Variants in DMD observed in about 807,000 individuals in gnomAD.
The protein encoded by DMD is mutant dystrophin.
A neutral mutation model predicts 330.1 loss-of-function variants in DMD; 63 were observed. That is an observed-to-expected ratio of 0.19 (90% confidence interval 0.16 to 0.24). The LOEUF is 0.24. Ranked by LOEUF, DMD falls within the 10% of genes least tolerant of loss-of-function variation. The pLI, the probability that DMD is intolerant of heterozygous loss-of-function variation, is 1.00. For synonymous variants in DMD, 1,223 were observed against 959.8 expected, an observed-to-expected ratio of 1.27 and a Z score of -5.07; for missense variants, 3,344 against 2,684.1, an observed-to-expected ratio of 1.25 and a Z score of -5.43.
intron 52 of DMD, among the ~76,000 whole-genome samples, chrX:31,721,716 C>CTATATATATATA (rs1411207828): frequency 1.9e-5 from 1 of 53,428 alleles, no homozygotes; most frequent in Non-Finnish European, 3.8e-5. Context: ...CTCTCTCTCT[C>CTATATATATATA]TCTATATATA....
intron 1 of DMD, among the ~76,000 whole-genome samples, chrX:33,210,415 G>A (rs746323979): frequency 9.0e-6 from 1 of 110,905 alleles, no homozygotes; most frequent in East Asian, 2.8e-4. Context: ...TATTTTTACT[G>A]TTGTGCCACA....
At position 32,832,591 on chromosome X, in the gene DMD, A is replaced by T. The variant is rs1603443567; in HGVS notation, c.265-9204T>A. Among the ~76,000 whole-genome samples the T allele has an allele frequency of 4.5e-5, 5 of 111,741 alleles. No individual in the cohort carries two copies. In the East Asian group the frequency reaches 1.4e-3, roughly 31 times the overall value. On this transcript the variant is annotated intron_variant, in intron 4 of 78. Coordinates refer to ENST00000357033, the MANE Select transcript of DMD (RefSeq NM_004006.3). Reference sequence around the variant, plus strand: ...AAAGACTTCTCCATATTCAAGAGAAACTTCTCAAGTATTCATACAATCCTT... The same window carrying T: ...AAAGACTTCTCCATATTCAAGAGAATCTTCTCAAGTATTCATACAATCCTT...
At chrX:31,492,371 T>C (rs1305915765) in intron 57 of DMD, among the ~76,000 whole-genome samples, 1 of 111,974 alleles carries the variant, frequency 8.9e-6, no homozygotes, top group African/African-American at 3.2e-5. Flanking sequence ...CATCACTAAC[T>C]AGACAGTCCA....
chrX:32,765,570 A>T (rs1003419320), intron 7 of DMD, among the ~76,000 whole-genome samples: 4 of 111,791 alleles, frequency 3.6e-5, no homozygotes, highest in Non-Finnish European at 7.5e-5. Flanking sequence ...GCAAGAATGG[A>T]CTAACATATA....
intron 16 of DMD, among the ~76,000 whole-genome samples, chrX:32,561,176 T>C (rs1046879904): frequency 9.0e-6 from 1 of 111,437 alleles, no homozygotes; most frequent in Non-Finnish European, 1.9e-5. Flanking sequence ...TTGAGAGAAG[T>C]AGGCTTCAAA....
chrX:31,804,838 C>CTT (rs368248678), intron 50 of DMD, among the ~76,000 whole-genome samples: 1 of 97,262 alleles, frequency 1.0e-5, no homozygotes, highest in African/African-American at 3.7e-5. Context: ...TTCAAATTTC[C>CTT]TTTTTTTTTT....
chrX:31,536,202 T>C (rs2073393298), intron 55 of DMD, among the ~76,000 whole-genome samples: 1 of 111,445 alleles, frequency 9.0e-6, no homozygotes, highest in Non-Finnish European at 1.9e-5. Context: ...CACTAGAATC[T>C]CCTCATTTTA....
intron 44 of DMD, among the ~76,000 whole-genome samples, chrX:32,024,900 T>G (rs892169962): frequency 1.3e-4 from 15 of 112,035 alleles, no homozygotes; most frequent in African/African-American, 4.9e-4. Flanking sequence ...TGAGGGATCA[T>G]GTGTCCAAGA....
chrX:31,842,421 G>C (rs1484525031), intron 48 of DMD, among the ~76,000 whole-genome samples: 1 of 112,328 alleles, frequency 8.9e-6, no homozygotes, highest in Non-Finnish European at 1.9e-5. Flanking sequence ...AGCAGCAGCA[G>C]GGTATGAGAG....
intron 4 of DMD, among the ~76,000 whole-genome samples, chrX:32,832,030 C>T (rs1037024528): frequency 2.7e-5 from 3 of 110,798 alleles, no homozygotes; most frequent in Non-Finnish European, 3.8e-5. Flanking sequence ...TAAAGCAGGT[C>T]GTTTCTCACA....
intron 42 of DMD, among the ~76,000 whole-genome samples, chrX:32,292,299 A>ATTTTTTTTTTTTTTTTT (rs1355530949): frequency 2.1e-3 from 64 of 30,771 alleles, no homozygotes; most frequent in African/African-American, 6.4e-3. Context: ...CAAAGGGAAT[A>ATTTTTTTTTTTTTTTTT]TTCTTTTTTT....
At position 32,617,675 on chromosome X, in the gene DMD, G is replaced by A. The variant is rs113784079; in HGVS notation, c.1332-3222C>T. ...TGGGCAATAACTTTTGAATATGACT[G>A]TAAAAGCACAAGCAACAAAAGCAAA... On this transcript the variant is annotated intron_variant, in intron 11 of 78. Transcript: ENST00000357033. Among the ~76,000 whole-genome samples, 770 of 111,299 alleles carry A rather than the reference G, an allele frequency of 6.9e-3. 8 individuals carry two copies. The highest frequency in any genetic ancestry group is 0.021 in the African/African-American group (654 of 30,661).
rs749878227 is a variant in DMD, at chrX:33,325,676, G to GA, written c.7+13582dup. Among the ~76,000 whole-genome samples the GA allele has an allele frequency of 2.7e-5, 3 of 111,969 alleles. No individual in the cohort carries two copies. The South Asian group carries it at 1.1e-3, about 41-fold the overall frequency. On this transcript the variant is annotated intron_variant, in intron 1 of 17. Transcript: ENST00000288447. ...CTCATTTTCTGATGAAAATTCAGTG[G>GA]AAAAAATGGAAGTAGATATTTGCTT... is the stretch of plus-strand genomic sequence containing the variant.
chrX:31,333,993 C>T (rs2057288419), intron 61 of DMD, among the ~76,000 whole-genome samples: 1 of 109,904 alleles, frequency 9.1e-6, no homozygotes, highest in Non-Finnish European at 1.9e-5. Flanking sequence ...AGCGCAATGG[C>T]GCGATCTCGG....
intron 63 of DMD, among the ~76,000 whole-genome samples, chrX:31,244,245 C>T (rs1015972099): frequency 7.1e-5 from 8 of 112,053 alleles, no homozygotes; most frequent in South Asian, 3.7e-4. Flanking sequence ...GTCACCTTGA[C>T]ACCATACATA....
chrX:32,745,076 C>G (rs1357009693), intron 7 of DMD, among the ~76,000 whole-genome samples: 1 of 111,723 alleles, frequency 9.0e-6, no homozygotes, highest in Non-Finnish European at 1.9e-5. Flanking sequence ...AACAACCACT[C>G]CTTGCTAAGT....
At chrX:32,291,307 C>A (rs1463034055) in intron 42 of DMD, among the ~76,000 whole-genome samples, 2 of 112,087 alleles carry the variant, frequency 1.8e-5, no homozygotes, top group Non-Finnish European at 3.8e-5. Flanking sequence ...ACTCCATGGA[C>A]AATCCACCCA....
At chrX:32,956,885 G>T (rs1255191787) in intron 2 of DMD, among the ~76,000 whole-genome samples, 1 of 111,301 alleles carries the variant, frequency 9.0e-6, no homozygotes, top group African/African-American at 3.3e-5. Flanking sequence ...TATATTTTTG[G>T]CCATCTCTCA....
intron 55 of DMD, among the ~76,000 whole-genome samples, chrX:31,547,302 G>A (rs145796904): frequency 0.019 from 2,098 of 112,144 alleles, 60 homozygotes; most frequent in African/African-American, 0.064. Context: ...TGAAATGCTA[G>A]CACCACGCTA....
Sources: allele counts gnomAD v4.1 joint callset (sites outside exome capture counted in the v4.1 genomes callset), GRCh38; gene constraint gnomAD v4.1.1; transcripts MANE v1.5; gene names NCBI Gene and HGNC (gene_info 2026-07-23, HGNC 2026-07-21).